The following AKR1D1 variants were observed in gnomAD, a reference collection of about 807,000 sequenced individuals.
AKR1D1 encodes the protein aldo-keto reductase family 1 member D1, also known as delta(4)-3-ketosteroid 5-beta-reductase.
In AKR1D1, 32 loss-of-function variants were observed where a neutral mutation model predicts 42.6. That is an observed-to-expected ratio of 0.75 (90% CI 0.57 to 1.01). The LOEUF (loss-of-function observed/expected upper bound fraction) is 1.01, where lower values mean the gene tolerates loss of function less well. Ranked by LOEUF, AKR1D1 falls within the 50% of genes least tolerant of loss-of-function variation. The pLI is 0.00. For missense variants in AKR1D1, 364 were observed against 402.2 expected (o/e 0.91, Z 0.81); for synonymous variants, 123 against 135.5 (o/e 0.91, Z 0.64).
chr7:138,084,266 T>TTTG (rs1803119323), intron 1 of AKR1D1, among the ~76,000 whole-genome samples: 1 of 150,206 alleles, frequency 6.7e-6, no homozygotes, highest in Non-Finnish European at 1.5e-5. Flanking sequence ...CTTTTTTTTT[T>TTTG]TTTTTTCTTT....
intron 1 of AKR1D1, among the ~76,000 whole-genome samples, chr7:138,079,100 C>T (rs554987276): frequency 1.8e-3 from 271 of 152,232 alleles, no homozygotes; most frequent in Non-Finnish European, 2.5e-3. Context: ...CCAAAATGCT[C>T]GGATTACAGG....
chr7:138,106,949 GTTAGT>G (rs765729857), intron 6 of AKR1D1, among the ~76,000 whole-genome samples: 2 of 152,174 alleles, frequency 1.3e-5, no homozygotes, highest in Non-Finnish European at 2.9e-5. Context: ...CTCAGTAAAA[GTTAGT>G]TTAATTATTA....
chr7:138,104,146 A>AC (rs1794370714), intron 4 of AKR1D1, among the ~76,000 whole-genome samples: 2 of 152,002 alleles, frequency 1.3e-5, no homozygotes, highest in Admixed American at 6.5e-5. Context: ...TCAAAAAAAA[A>AC]CACAGAAGAA....
chr7:138,088,707 C>T lies in AKR1D1; in HGVS notation c.200C>T (p.Ala67Val). The change falls in exon 2 of 9, where the codon GCC becomes GTC. Residue 67 changes from alanine to valine, a missense_variant. Physicochemically the swap from Ala to Val is moderately conservative, Grantham distance 64 (BLOSUM62 0). Coordinates refer to ENST00000242375, the MANE Select transcript of AKR1D1 (RefSeq NM_005989.4). The stretch of plus-strand genomic sequence containing the variant: ...CAAAATGAACACGAAGTTGGGGAGG[C>T]CATCAGGGAGAAGATAGCAGAAGGA... ...IYQNEHEVGE[A>V]IREKIAEGKV... The T allele has an allele frequency of 6.2e-7, 1 of 1,613,444 alleles. No individual in the cohort carries two copies. The highest frequency in any genetic ancestry group is 8.5e-7 in the Non-Finnish European group (1 of 1,179,802).
At chr7:138,089,334 C>G (rs999389109) in intron 2 of AKR1D1, among the ~76,000 whole-genome samples, 2 of 148,346 alleles carry the variant, frequency 1.3e-5, no homozygotes. Flanking sequence ...CTGAGTGACA[C>G]AGCGAGACCC....
At chr7:138,110,042 A>T (rs1480026223) in intron 7 of AKR1D1, among the ~76,000 whole-genome samples, 1 of 152,142 alleles carries the variant, frequency 6.6e-6, no homozygotes, top group Non-Finnish European at 1.5e-5. Flanking sequence ...AAAAACGGAT[A>T]CAGATTTAGA....
chr7:138,091,751 C>G lies in AKR1D1; in HGVS notation c.262-17C>G. The G allele has an allele frequency of 6.4e-7, 1 of 1,563,100 alleles. No individual in the cohort carries two copies. Reference sequence around the variant, plus strand: ...GCGTGTAGACATTAGTTAATTCTCCCTCTTTGATTCTTTCAGCTATGGGCT... The same window carrying G: ...GCGTGTAGACATTAGTTAATTCTCCGTCTTTGATTCTTTCAGCTATGGGCT... On this transcript the variant is annotated splice_polypyrimidine_tract_variant and intron_variant, in intron 2 of 8. Transcript: ENST00000242375.
At chr7:138,086,831 T>C (rs1159159989) in intron 1 of AKR1D1, among the ~76,000 whole-genome samples, 4 of 152,150 alleles carry the variant, frequency 2.6e-5, no homozygotes, top group African/African-American at 4.8e-5. Flanking sequence ...AATCAGAAAA[T>C]AGAATCAACC....
chr7:138,107,500 G>A lies in AKR1D1; in HGVS notation c.775G>A (p.Val259Ile). The stretch of plus-strand genomic sequence containing the variant: ...GTACAATAAGACAGCAGCTCAAATT[G>A]TTTTGCGTTTCAACATCCAGCGAGG... Reference protein sequence around the residue: ...KRYNKTAAQIVLRFNIQRGVV... With the variant: ...KRYNKTAAQIILRFNIQRGVV... Residue 259 changes from valine (V) to isoleucine (I), a missense_variant, in exon 7 of 9, where the codon GTT becomes ATT. By Grantham distance (29) the Val-to-Ile change is conservative. Coordinates refer to ENST00000242375, the MANE Select transcript of AKR1D1 (RefSeq NM_005989.4). 1.2e-6 allele frequency: 2 copies of A among 1,614,140 alleles called. No individual in the cohort carries two copies. Among genetic ancestry groups the A allele is most frequent in the Non-Finnish European group, 1.7e-6 (2 of 1,180,000 alleles).
chr7:138,087,316 T>C (rs200428858), intron 1 of AKR1D1, among the ~76,000 whole-genome samples: 1 of 32,754 alleles, frequency 3.1e-5, no homozygotes, highest in Non-Finnish European at 8.8e-5. Flanking sequence ...CTCCCAACAC[T>C]GTTTGTCAAA....
Position 138,116,897 on chromosome 7 carries a change from A to G in AKR1D1, c.*235A>G. 1.9e-6 allele frequency: 1 copy of G among 515,114 alleles called. No homozygotes were observed. The highest frequency in any genetic ancestry group is 3.4e-6 in the Non-Finnish European group (1 of 292,914). 31.9% of individuals were successfully genotyped at this position (515,114 alleles called of 1,614,324 possible). On this transcript the variant is annotated 3_prime_UTR_variant, in exon 9 of 9. Transcript: ENST00000242375. ...GGAAATTATCAACTAATTTTTTCAGATCAGTATCTTCTAGATTCCAGACAG... is the reference window on the plus strand; with the variant it reads ...GGAAATTATCAACTAATTTTTTCAGGTCAGTATCTTCTAGATTCCAGACAG...
At position 138,088,761 on chromosome 7, in the gene AKR1D1, G is replaced by A; in HGVS notation, c.254G>A (p.Cys85Tyr). ...GTGCGGAGGGAAGATATCTTCTACTGTGGAAAGGTGAGATCTTGCCTTCAG... is the reference window on the plus strand; with the variant it reads ...GTGCGGAGGGAAGATATCTTCTACTATGGAAAGGTGAGATCTTGCCTTCAG... ...GKVRREDIFY[C>Y]GKLWATNHVP... The change falls in exon 2 of 9, where the codon TGT (cysteine) becomes TAT (tyrosine). Residue 85 changes from cysteine (C) to tyrosine (Y), a missense_variant. Physicochemically the swap from Cys to Tyr is radical, Grantham distance 194 (BLOSUM62 -2). Coordinates refer to ENST00000242375, the MANE Select transcript of AKR1D1 (RefSeq NM_005989.4). 1.9e-6 allele frequency: 3 copies of A among 1,596,458 alleles called. No individual in the cohort carries two copies. The highest frequency in any genetic ancestry group is 1.7e-5 in the Admixed American group (1 of 57,236).
At chr7:138,097,976 C>A in intron 4 of AKR1D1, 33 bp downstream of exon 4, 1 of 1,475,374 alleles carries the variant, frequency 6.8e-7, no homozygotes, top group Non-Finnish European at 9.5e-7. Flanking sequence ...TTTTAAAAGA[C>A]GATATTTTTA....
At chr7:138,087,836 A>G (rs187490631) in intron 1 of AKR1D1, among the ~76,000 whole-genome samples, 48 of 151,854 alleles carry the variant, frequency 3.2e-4, no homozygotes, top group Admixed American at 8.5e-4. Context: ...TTCACTCAGT[A>G]TAATTATTTT....
intron 4 of AKR1D1, among the ~76,000 whole-genome samples, chr7:138,102,923 T>A (rs544909298): frequency 1.3e-5 from 2 of 152,106 alleles, no homozygotes; most frequent in African/African-American, 4.8e-5. Context: ...ACTGGGGAGC[T>A]TTTTTCTTCC....
chr7:138,100,699 C>CTTTT (rs749956421), intron 4 of AKR1D1, among the ~76,000 whole-genome samples: 3,623 of 88,248 alleles, frequency 0.041, 209 homozygotes, highest in African/African-American at 0.082. Context: ...GTCAGAGATT[C>CTTTT]TTTTTTTTTT....
At chr7:138,077,794 G>A (rs563379302) in intron 1 of AKR1D1, among the ~76,000 whole-genome samples, 2 of 152,290 alleles carry the variant, frequency 1.3e-5, no homozygotes, top group East Asian at 1.9e-4. Flanking sequence ...TTGGCAATAC[G>A]AAGTATAGAG....
intron 1 of AKR1D1, among the ~76,000 whole-genome samples, chr7:138,084,989 G>A (rs1235322315): frequency 6.9e-6 from 1 of 145,940 alleles, no homozygotes; most frequent in Non-Finnish European, 1.5e-5. Flanking sequence ...CCGGGAGGCA[G>A]AGGTAGCAGT....
intron 1 of AKR1D1, among the ~76,000 whole-genome samples, chr7:138,079,985 G>A (rs1803019445): frequency 6.6e-6 from 1 of 152,214 alleles, no homozygotes; most frequent in South Asian, 2.1e-4. Flanking sequence ...TATGGCCCAA[G>A]TGGCAGGGAT....
Sources: allele counts gnomAD v4.1 joint callset (sites outside exome capture counted in the v4.1 genomes callset), GRCh38; gene constraint gnomAD v4.1.1; transcripts MANE v1.5; gene names NCBI Gene and HGNC (gene_info 2026-07-23, HGNC 2026-07-21).